The following PIP4K2A variants were observed in gnomAD, a reference collection of about 807,000 sequenced individuals.
PIP4K2A encodes phosphatidylinositol 5-phosphate 4-kinase type-2 alpha.
A neutral mutation model predicts 42.9 loss-of-function variants in PIP4K2A; 14 were observed. That is an observed-to-expected ratio of 0.33 (90% CI 0.22 to 0.51). The LOEUF is 0.51. Among genes scored for constraint, PIP4K2A ranks in the 20% least tolerant of loss-of-function variants. The pLI is 0.97. For missense variants in PIP4K2A, 434 were observed against 519.8 expected (o/e 0.83, Z 1.61); for synonymous variants, 192 against 192.2 (o/e 1.00, Z 0.01).
At chr10:22,616,208 G>A (rs1838174710) in intron 1 of PIP4K2A, among the ~76,000 whole-genome samples, 1 of 152,184 alleles carries the variant, frequency 6.6e-6, no homozygotes, top group Non-Finnish European at 1.5e-5. Context: ...CAGAGGGGGA[G>A]CTGACATGTG....
At chr10:22,674,796 A>C (rs1291347838) in intron 1 of PIP4K2A, among the ~76,000 whole-genome samples, 1 of 151,634 alleles carries the variant, frequency 6.6e-6, no homozygotes, top group East Asian at 1.9e-4. Context: ...TAAATAAATA[A>C]ATAAATAAAT....
intron 6 of PIP4K2A, among the ~76,000 whole-genome samples, chr10:22,556,412 T>G (rs1427675556): frequency 3.3e-5 from 5 of 152,200 alleles, no homozygotes; most frequent in African/African-American, 1.2e-4. Flanking sequence ...GAAACCCAAA[T>G]GAGAGTAAAA....
intron 1 of PIP4K2A, among the ~76,000 whole-genome samples, chr10:22,635,302 G>A (rs1323263750): frequency 3.9e-5 from 6 of 152,174 alleles, no homozygotes; most frequent in Non-Finnish European, 8.8e-5. Context: ...TCCTGCTCTG[G>A]TGCCAACTGG....
intron 1 of PIP4K2A, among the ~76,000 whole-genome samples, chr10:22,705,386 C>CT (rs1167580310): frequency 2.5e-5 from 3 of 119,044 alleles, no homozygotes; most frequent in Admixed American, 1.1e-4. Flanking sequence ...GCTGCAGGAT[C>CT]TTTTTTACCC....
At chr10:22,553,981 A>G (rs1199436822) in intron 6 of PIP4K2A, among the ~76,000 whole-genome samples, 1 of 151,950 alleles carries the variant, frequency 6.6e-6, no homozygotes, top group East Asian at 1.9e-4. Context: ...ACAAAAAAGT[A>G]ATAAAACATA....
At chr10:22,664,090 C>CATAT (rs71992190) in intron 1 of PIP4K2A, among the ~76,000 whole-genome samples, 1 of 64,046 alleles carries the variant, frequency 1.6e-5, no homozygotes, top group African/African-American at 1.6e-4. Flanking sequence ...TATATATATA[C>CATAT]ATATATATAT....
At chr10:22,599,332 C>G (rs1011048636) in intron 3 of PIP4K2A, among the ~76,000 whole-genome samples, 1 of 152,218 alleles carries the variant, frequency 6.6e-6, no homozygotes, top group Non-Finnish European at 1.5e-5. Flanking sequence ...CCCTATCCCC[C>G]AGCCTAGAAA....
At chr10:22,549,898 T>A (rs1402732915) in intron 7 of PIP4K2A, among the ~76,000 whole-genome samples, 265 of 151,994 alleles carry the variant, frequency 1.7e-3, no homozygotes, top group Admixed American at 0.013. Flanking sequence ...ATAACCTTTT[T>A]TTCCTTTTTT....
intron 1 of PIP4K2A, among the ~76,000 whole-genome samples, chr10:22,633,212 G>A (rs1263813631): frequency 6.6e-6 from 1 of 152,174 alleles, no homozygotes; most frequent in African/African-American, 2.4e-5. Context: ...TGGGCTCTTG[G>A]CCATGGCTCT....
intron 1 of PIP4K2A, 135 bp downstream of exon 1, chr10:22,714,048 G>C (rs993953328): frequency 5.4e-6 from 5 of 918,424 alleles, no homozygotes. Flanking sequence ...TGGGGGCTTC[G>C]AGGCGGGCGA....
intron 3 of PIP4K2A, among the ~76,000 whole-genome samples, chr10:22,603,530 C>G (rs1837841867): frequency 6.6e-6 from 1 of 152,002 alleles, no homozygotes; most frequent in African/African-American, 2.4e-5. Context: ...AAGAACATTA[C>G]AAATCAAGAT....
chr10:22,631,760 A>G (rs1325395196), intron 1 of PIP4K2A, among the ~76,000 whole-genome samples: 1 of 152,258 alleles, frequency 6.6e-6, no homozygotes, highest in Admixed American at 6.5e-5. Context: ...ATTAAGAATC[A>G]GCAATAAATG....
intron 1 of PIP4K2A, chr10:22,646,221 T>C (rs866297253): frequency 6.6e-6 from 1 of 152,182 alleles, no homozygotes; most frequent in Non-Finnish European, 1.5e-5. Flanking sequence ...GAACCCACCT[T>C]TGGGGATGTG....
At chr10:22,694,601 T>G (rs1839933658) in intron 1 of PIP4K2A, 1 of 152,198 alleles carries the variant, frequency 6.6e-6, no homozygotes, top group African/African-American at 2.4e-5. Flanking sequence ...CACAAGTGGC[T>G]GTCAGTAATA....
At chr10:22,574,445 T>TTTTG (rs886725567) in intron 4 of PIP4K2A, among the ~76,000 whole-genome samples, 17 of 44,514 alleles carry the variant, frequency 3.8e-4, no homozygotes, top group Non-Finnish European at 4.9e-4. Flanking sequence ...TCATTTTCTG[T>TTTTG]TTTTTTTTTT....
At chr10:22,693,609 T>G (rs544800511) in intron 1 of PIP4K2A, among the ~76,000 whole-genome samples, 69 of 152,244 alleles carry the variant, frequency 4.5e-4, no homozygotes, top group African/African-American at 1.5e-3. Context: ...AGAGAGAAAT[T>G]AGTTTTTAGA....
chr10:22,603,692 G>A (rs1837844829), intron 3 of PIP4K2A, among the ~76,000 whole-genome samples: 1 of 152,162 alleles, frequency 6.6e-6, no homozygotes, highest in Non-Finnish European at 1.5e-5. Context: ...CAAATACTTT[G>A]ACTGGATAAT....
At chr10:22,569,102 C>CAATCCT in intron 5 of PIP4K2A, 1 of 1,337,278 alleles carries the variant, frequency 7.5e-7, no homozygotes, top group Non-Finnish European at 1.0e-6. Flanking sequence ...TCGAGCAGCT[C>CAATCCT]AGGCATTGAC....
chr10:22,706,141 AT>A (rs1207762112), intron 1 of PIP4K2A, among the ~76,000 whole-genome samples: 1 of 152,104 alleles, frequency 6.6e-6, no homozygotes, highest in African/African-American at 2.4e-5. Context: ...ACACCTGGGG[AT>A]TATGGGTACA....
Sources: allele counts gnomAD v4.1 joint callset (sites outside exome capture counted in the v4.1 genomes callset), GRCh38; gene constraint gnomAD v4.1.1; transcripts MANE v1.5; gene names NCBI Gene and HGNC (gene_info 2026-07-23, HGNC 2026-07-21).